Variants in AP3D1 observed in about 807,000 individuals in gnomAD.
AP3D1 encodes AP-3 complex subunit delta-1.
A neutral mutation model predicts 147.6 loss-of-function variants in AP3D1; 51 were observed. The observed-to-expected ratio is 0.35, with a 90% CI of 0.28 to 0.44. The LOEUF is 0.44. AP3D1 is among the 20% of genes least tolerant of loss of function. AP3D1 has a pLI of 1.00. For synonymous variants in AP3D1, 760 were observed against 663.0 expected, an observed-to-expected ratio of 1.15 and a Z score of -2.25; for missense variants, 1,421 against 1,624.2, an observed-to-expected ratio of 0.87 and a Z score of 2.15.
Position 2,116,602 on chromosome 19 carries a change from C to T in AP3D1, c.2001+3G>A. ...GGCTCGCCAGGGGCAGCCAGCAGCT[C>T]ACCCGAGCCAGCTCTTCCTCGTCCG... is the stretch of plus-strand genomic sequence containing the variant. On this transcript the variant is annotated splice_donor_region_variant and intron_variant, in intron 17 of 31. Transcript: ENST00000643116. 1.9e-6 allele frequency: 3 copies of T among 1,586,048 alleles called. No individual in the cohort carries two copies. Among genetic ancestry groups the T allele is most frequent in the East Asian group, 2.3e-5 (1 of 44,060 alleles).
chr19:2,163,108 C>G (rs553002736), intron 1 of AP3D1, among the ~76,000 whole-genome samples: 1 of 152,108 alleles, frequency 6.6e-6, no homozygotes, highest in African/African-American at 2.4e-5. Flanking sequence ...GAGTCTTGCT[C>G]TGTTGCCCAG....
chr19:2,129,386 C>A lies in AP3D1; in HGVS notation c.664G>T (p.Ala222Ser). The A allele has an allele frequency of 6.2e-7, 1 of 1,614,074 alleles. No homozygotes were observed. Among genetic ancestry groups the A allele is most frequent in the Non-Finnish European group, 8.5e-7 (1 of 1,179,994 alleles). Residue 222 changes from alanine (A) to serine (S), a missense_variant, in exon 7 of 32, where the codon GCC becomes TCC. Coordinates refer to ENST00000643116, the MANE Select transcript of AP3D1 (RefSeq NM_001261826.3). ...GTCATCAGCTTGAAAAAGAGCGGGG[C>A]CAGGGACAGGTAGTTCTTAGGGTTG... ...RRNPKNYLSL[A>S]PLFFKLMTSS...
intron 1 of AP3D1, among the ~76,000 whole-genome samples, chr19:2,163,016 G>T (rs1023104475): frequency 1.3e-5 from 2 of 151,852 alleles, no homozygotes; most frequent in African/African-American, 4.8e-5. Context: ...TTCATCCCTG[G>T]GCATAGGCTG....
intron 13 of AP3D1, 33 bp downstream of exon 13, chr19:2,121,130 A>AC: frequency 1.2e-6 from 2 of 1,613,348 alleles, no homozygotes; most frequent in Non-Finnish European, 1.7e-6. Context: ...GCGCCACGGA[A>AC]CCCCCGGCCA....
rs1328202648 is a variant in AP3D1, at chr19:2,116,219, TG to T, written c.2060del (p.Pro687HisfsTer27). On this transcript the variant is annotated frameshift_variant, in exon 18 of 32. Transcript: ENST00000643116. LOFTEE classifies it high-confidence loss of function. ...GGACGGGCCTCACCTTCTGTGGCGA[TG>T]GCGAGCTCTTGATGTAGAAGGGGTT... is the stretch of plus-strand genomic sequence containing the variant. ...ANNPFYIKSSPSPQKRYQDTP... is the reference protein window; with the variant it reads ...ANNPFYIKSSXSPQKRYQDTP... The T allele has an allele frequency of 6.2e-7, 1 of 1,614,032 alleles. No homozygotes were observed. The highest frequency in any genetic ancestry group is 1.7e-5 in the Admixed American group (1 of 59,996).
chr19:2,111,851 T>TTCAGTGCCCAGGCTGC, intron 24 of AP3D1, 23 bp from the exon 25 acceptor site: 1 of 1,612,630 alleles, frequency 6.2e-7, no homozygotes, highest in Non-Finnish European at 8.5e-7. Flanking sequence ...GAGGGTCGGG[T>TTCAGTGCCCAGGCTGC]TCAGTGCCCA....
rs573272094 is a variant in AP3D1, at chr19:2,121,588, T to A, written c.1101+146A>T. 4 of 1,196,634 alleles carry A rather than the reference T, an allele frequency of 3.3e-6. No individual in the cohort carries two copies. The Admixed American group carries it at 1.1e-4, about 34-fold the overall frequency. 74.1% of individuals were successfully genotyped at this position (1,196,634 alleles called of 1,614,324 possible). A position where few individuals can be genotyped will look rare whatever the true frequency, so the allele number is the denominator to read the frequency against. ...CTGGAAGACAGGCATGGACCAGGAC[T>A]GGCGCCCCTCTGCCCTGCCCCACCA... On this transcript the variant is annotated intron_variant, in intron 12 of 31. Coordinates refer to ENST00000643116, the MANE Select transcript of AP3D1 (RefSeq NM_001261826.3).
chr19:2,156,548 A>G (rs915606801), upstream of AP3D1, among the ~76,000 whole-genome samples: 1 of 149,056 alleles, frequency 6.7e-6, no homozygotes, highest in Non-Finnish European at 1.5e-5. Flanking sequence ...CCAATCAACA[A>G]CGTTTATTGA....
intron 26 of AP3D1, 159 bp downstream of exon 26, chr19:2,111,126 C>T: frequency 9.7e-7 from 1 of 1,034,992 alleles, no homozygotes; most frequent in Non-Finnish European, 1.4e-6. Flanking sequence ...CAACCTTACC[C>T]CAAGCCAGAG....
intron 1 of AP3D1, among the ~76,000 whole-genome samples, chr19:2,145,327 C>A (rs1185427746): frequency 6.6e-6 from 1 of 152,206 alleles, no homozygotes; most frequent in African/African-American, 2.4e-5. Context: ...CACCCGGGGT[C>A]CCCACATCCC....
chr19:2,125,220 G>A (rs537622355), intron 9 of AP3D1, among the ~76,000 whole-genome samples: 32 of 152,124 alleles, frequency 2.1e-4, no homozygotes, highest in Non-Finnish European at 3.8e-4. Flanking sequence ...ATGTAAATAC[G>A]AACGAAGAAA....
intron 9 of AP3D1, among the ~76,000 whole-genome samples, chr19:2,125,601 G>A (rs1426868812): frequency 6.6e-6 from 1 of 152,192 alleles, no homozygotes. Context: ...TTACAGGCGT[G>A]AGCCACCACG....
At chr19:2,138,745 A>G (rs1470972844) in intron 1 of AP3D1, 31 bp from the exon 2 acceptor site, 2 of 1,487,386 alleles carry the variant, frequency 1.3e-6, no homozygotes, top group Admixed American at 1.7e-5. Flanking sequence ...AGAGATTACA[A>G]ACATCCAGCT....
At position 2,115,478 on chromosome 19, in the gene AP3D1, G is replaced by T. The variant is rs543605994; in HGVS notation, c.2149+60C>A. On this transcript the variant is annotated intron_variant, in intron 19 of 31. Coordinates refer to ENST00000643116, the MANE Select transcript of AP3D1 (RefSeq NM_001261826.3). ...CACCCCAGGGGCTCACGGGGAGGGC[G>T]GCGGGAGCACCCCACAGCCCATGTG... The T allele has an allele frequency of 3.1e-6, 5 of 1,608,308 alleles. No homozygotes were observed. In the African/African-American group the frequency reaches 5.3e-5, roughly 17 times the overall value.
rs1462401566 is a variant in AP3D1, at chr19:2,111,793, C to T, written c.2823G>A (p.Lys941=). 1 of 1,613,990 alleles carries T rather than the reference C, an allele frequency of 6.2e-7. No homozygotes were observed. Among genetic ancestry groups the T allele is most frequent in the Admixed American group, 1.7e-5 (1 of 60,018 alleles). The part of the protein sequence containing the change: ...SPKPKKKKHR[K]EKEERTKGKK... ...TGCCTTTGGTCCGCTCCTCCTTCTC[C>T]TTCCTGTGCTTCTTCTTCTTAGGCT... The change falls in exon 25 of 32, where the codon AAG becomes AAA. Residue 941 remains lysine, a synonymous_variant. Transcript: ENST00000643116.
intron 10 of AP3D1, 80 bp from the exon 11 acceptor site, chr19:2,123,486 T>C: frequency 1.3e-6 from 2 of 1,487,154 alleles, no homozygotes; most frequent in Non-Finnish European, 1.9e-6. Flanking sequence ...AGATTCAACC[T>C]CAACCTGGCC....
At chr19:2,127,105 G>C in intron 9 of AP3D1, 47 bp downstream of exon 9, 2 of 1,600,048 alleles carry the variant, frequency 1.2e-6, no homozygotes, top group Non-Finnish European at 1.7e-6. Flanking sequence ...TGAGACCCCA[G>C]CCTGGCAGTG....
intron 14 of AP3D1, among the ~76,000 whole-genome samples, chr19:2,120,507 C>T (rs911933129): frequency 1.3e-5 from 2 of 152,194 alleles, no homozygotes; most frequent in African/African-American, 2.4e-5. Context: ...AGGGCTGCCA[C>T]GCGCCCAGCT....
chr19:2,131,788 AC>A (rs2018956419), intron 5 of AP3D1, among the ~76,000 whole-genome samples: 1 of 133,284 alleles, frequency 7.5e-6, no homozygotes, highest in Admixed American at 7.4e-5. Context: ...CCACACGGGG[AC>A]CGCGCCCATC....
Sources: allele counts gnomAD v4.1 joint callset (sites outside exome capture counted in the v4.1 genomes callset), GRCh38; gene constraint gnomAD v4.1.1; transcripts MANE v1.5; gene names NCBI Gene and HGNC (gene_info 2026-07-23, HGNC 2026-07-21).